DTNA: variants seen among roughly 807,000 people sequenced by gnomAD.
DTNA encodes dystrophin-related protein 3.
A neutral mutation model predicts 100.7 loss-of-function variants in DTNA; 43 were observed. The ratio of observed to expected loss-of-function variants is 0.43; its 90% confidence interval spans 0.33 to 0.55. The LOEUF (loss-of-function observed/expected upper bound fraction) is 0.55. Ranked by LOEUF, DTNA falls within the 20% of genes least tolerant of loss-of-function variation. The probability of loss-of-function intolerance (pLI) is 0.04; values close to 1 mark genes in which losing one functional copy is unlikely to be tolerated. For missense variants in DTNA, 798 were observed against 953.9 expected (o/e 0.84, Z 2.15); for synonymous variants, 349 against 347.9 (o/e 1.00, Z -0.04).
intron 1 of DTNA, among the ~76,000 whole-genome samples, chr18:34,516,127 G>A (rs1018554754): frequency 2.6e-5 from 4 of 151,986 alleles, no homozygotes; most frequent in African/African-American, 4.8e-5. Context: ...AGTGTTGGCC[G>A]GTCTGAGAAA....
intron 1 of DTNA, among the ~76,000 whole-genome samples, chr18:34,697,806 G>A (rs944532696): frequency 3.9e-5 from 6 of 152,124 alleles, no homozygotes; most frequent in Admixed American, 6.5e-5. Flanking sequence ...CTGCCCTTGA[G>A]GGAATCTGAA....
chr18:34,625,918 C>T (rs2057255585), intron 1 of DTNA, among the ~76,000 whole-genome samples: 1 of 152,146 alleles, frequency 6.6e-6, no homozygotes, highest in Admixed American at 6.5e-5. Context: ...ATGAGGTCTT[C>T]TTTGGGGAAC....
chr18:34,511,666 G>C (rs1274967212), intron 1 of DTNA, among the ~76,000 whole-genome samples: 2 of 152,072 alleles, frequency 1.3e-5, no homozygotes, highest in South Asian at 4.1e-4. Context: ...GTGATATCAT[G>C]GTCAGAACCT....
At chr18:34,641,039 C>T (rs1347043210) in intron 1 of DTNA, among the ~76,000 whole-genome samples, 4 of 151,746 alleles carry the variant, frequency 2.6e-5, no homozygotes, top group East Asian at 1.9e-4. Context: ...AATCAAATAA[C>T]GGATGTGCTA....
At chr18:34,848,532 G>T in intron 14 of DTNA, 149 bp downstream of exon 14, 1 of 914,194 alleles carries the variant, frequency 1.1e-6, no homozygotes. Flanking sequence ...AGTTTGTGGT[G>T]TCTTGGTGGT....
chr18:34,594,260 G>A (rs2050137843), intron 1 of DTNA, among the ~76,000 whole-genome samples: 1 of 152,082 alleles, frequency 6.6e-6, no homozygotes, highest in Admixed American at 6.5e-5. Context: ...CACTGTTTTA[G>A]GACTTCAAAC....
intron 1 of DTNA, among the ~76,000 whole-genome samples, chr18:34,589,470 G>A (rs976130982): frequency 4.6e-5 from 7 of 151,950 alleles, no homozygotes; most frequent in Middle Eastern, 3.2e-3. Context: ...TTAGCTGGGC[G>A]TGGTGGTGGG....
chr18:34,592,969 G>T (rs1483867287), intron 1 of DTNA, among the ~76,000 whole-genome samples: 1 of 152,160 alleles, frequency 6.6e-6, no homozygotes, highest in African/African-American at 2.4e-5. Flanking sequence ...GAGCTGCCTT[G>T]CTTTCTGCTT....
At chr18:34,559,082 A>G (rs1358726017) in intron 1 of DTNA, among the ~76,000 whole-genome samples, 1 of 152,216 alleles carries the variant, frequency 6.6e-6, no homozygotes, top group Non-Finnish European at 1.5e-5. Context: ...ACATTATTTG[A>G]TAACTAAGTT....
chr18:34,845,714 T>A (rs2096365352), intron 13 of DTNA, among the ~76,000 whole-genome samples: 1 of 152,212 alleles, frequency 6.6e-6, no homozygotes, highest in Admixed American at 6.5e-5. Flanking sequence ...ATTGAAGCTG[T>A]AATAAAGAAT....
intron 1 of DTNA, among the ~76,000 whole-genome samples, chr18:34,518,397 T>G (rs1370312007): frequency 6.6e-6 from 1 of 152,088 alleles, no homozygotes; most frequent in African/African-American, 2.4e-5. Flanking sequence ...ATCTAAGTCT[T>G]TCACAGAGCA....
intron 16 of DTNA, among the ~76,000 whole-genome samples, chr18:34,859,525 G>C (rs1228174805): frequency 1.3e-5 from 2 of 152,166 alleles, no homozygotes; most frequent in African/African-American, 4.8e-5. Context: ...CTGAAGTGAA[G>C]TTACAAAGTG....
At position 34,764,633 on chromosome 18, in the gene DTNA, G is replaced by C. The variant is rs369192793; in HGVS notation, c.68-1328G>C. Among the ~76,000 whole-genome samples the C allele has an allele frequency of 3.3e-5, 5 of 152,340 alleles. No individual in the cohort carries two copies. In the East Asian group the frequency reaches 5.8e-4, roughly 18 times the overall value. On this transcript the variant is annotated intron_variant, in intron 2 of 22. Transcript: ENST00000444659. ...TGGCAACACTTCAAGTGAATCTGAA[G>C]ATATCGGTTTGAGTTGAAGAAATGC...
chr18:34,877,944 A>G, intron 19 of DTNA, 136 bp downstream of exon 19: 1 of 865,302 alleles, frequency 1.2e-6, no homozygotes, highest in Middle Eastern at 2.4e-4. Flanking sequence ...TTGTTGGTCT[A>G]TTCAGATTTG....
intron 1 of DTNA, among the ~76,000 whole-genome samples, chr18:34,544,274 A>G (rs1444554224): frequency 1.3e-5 from 2 of 152,066 alleles, no homozygotes; most frequent in South Asian, 2.1e-4. Context: ...GTATCACACT[A>G]TAGTGTTATA....
chr18:34,779,562 C>T (rs933956534), intron 3 of DTNA, among the ~76,000 whole-genome samples: 4 of 152,174 alleles, frequency 2.6e-5, no homozygotes, highest in Non-Finnish European at 5.9e-5. Flanking sequence ...TCAGCATGGT[C>T]TGTACAACTT....
rs569051520 is a variant in DTNA at position 34,669,250 on chromosome 18, C to T, written c.-1-86726C>T. Among the ~76,000 whole-genome samples the T allele has an allele frequency of 8.3e-3, 1,265 of 152,104 alleles. 14 individuals are homozygous for T. The highest frequency in any genetic ancestry group is 0.012 in the Non-Finnish European group (813 of 67,970). ...TTTATCAGAGACTAGGATTGCAACCCCTGCCTTTTTTTGTTTTCCATTTGC... is the reference window on the plus strand; with the variant it reads ...TTTATCAGAGACTAGGATTGCAACCTCTGCCTTTTTTTGTTTTCCATTTGC... On this transcript the variant is annotated intron_variant, in intron 1 of 19. Coordinates refer to the DTNA transcript ENST00000283365.
At chr18:34,548,273 T>C (rs762339152) in intron 1 of DTNA, among the ~76,000 whole-genome samples, 2 of 152,070 alleles carry the variant, frequency 1.3e-5, no homozygotes, top group Non-Finnish European at 2.9e-5. Flanking sequence ...CCTGAAGGTG[T>C]CCCTATACTC....
At chr18:34,596,729 T>A (rs977739504) in intron 1 of DTNA, among the ~76,000 whole-genome samples, 1 of 152,076 alleles carries the variant, frequency 6.6e-6, no homozygotes, top group African/African-American at 2.4e-5. Flanking sequence ...TTCAGATAAC[T>A]TTTCTGATTT....
Sources: allele counts gnomAD v4.1 joint callset (sites outside exome capture counted in the v4.1 genomes callset), GRCh38; gene constraint gnomAD v4.1.1; transcripts MANE v1.5; gene names NCBI Gene and HGNC (gene_info 2026-07-23, HGNC 2026-07-21).